Variants in DAB1 observed in about 807,000 individuals in gnomAD.
The protein encoded by DAB1 is DAB adaptor protein 1.
A neutral mutation model predicts 64.6 loss-of-function variants in DAB1; 15 were observed. The observed-to-expected ratio is 0.23, with a 90% CI of 0.16 to 0.36. DAB1 has a LOEUF of 0.36. Among genes scored for constraint, DAB1 ranks in the 10% least tolerant of loss-of-function variants. The pLI is 1.00. For synonymous variants in DAB1, 235 were observed against 251.9 expected (o/e 0.93, Z 0.64); for missense variants, 596 against 706.7 (o/e 0.84, Z 1.78).
At chr1:57,921,430 A>AT (rs1376861336) in intron 5 of DAB1, among the ~76,000 whole-genome samples, 1 of 152,182 alleles carries the variant, frequency 6.6e-6, no homozygotes, top group African/African-American at 2.4e-5. Context: ...TATAAGCATC[A>AT]TAAAGATGTT....
chr1:57,964,590 T>C (rs1355077590), intron 5 of DAB1, among the ~76,000 whole-genome samples: 3 of 152,200 alleles, frequency 2.0e-5, no homozygotes, highest in Non-Finnish European at 4.4e-5. Context: ...TACTCATGTT[T>C]CCAGCATAGA....
intron 4 of DAB1, among the ~76,000 whole-genome samples, chr1:58,324,299 T>C (rs1274015697): frequency 1.3e-5 from 2 of 152,212 alleles, no homozygotes; most frequent in Admixed American, 6.5e-5. Context: ...CCAAATCAGA[T>C]AGTAATCCAA....
At chr1:58,285,714 A>C (rs958599983) in intron 4 of DAB1, among the ~76,000 whole-genome samples, 3 of 152,238 alleles carry the variant, frequency 2.0e-5, no homozygotes, top group African/African-American at 7.2e-5. Context: ...GGATAGGAAG[A>C]ATCAATATGA....
chr1:58,132,100 A>C (rs1653633496), intron 5 of DAB1, among the ~76,000 whole-genome samples: 1 of 152,094 alleles, frequency 6.6e-6, no homozygotes, highest in South Asian at 2.1e-4. Context: ...CTGGGCTAGC[A>C]ATCAGCGAGA....
chr1:57,482,681 A>G (rs1644038749), intron 7 of DAB1, among the ~76,000 whole-genome samples: 1 of 152,148 alleles, frequency 6.6e-6, no homozygotes, highest in African/African-American at 2.4e-5. Flanking sequence ...TATAAATCTT[A>G]TTCCATTTGC....
At chr1:58,418,483 A>G (rs1569751809) in intron 3 of DAB1, among the ~76,000 whole-genome samples, 1 of 152,176 alleles carries the variant, frequency 6.6e-6, no homozygotes, top group African/African-American at 2.4e-5. Flanking sequence ...ACATATATGT[A>G]TGTATGCATT....
intron 1 of DAB1, among the ~76,000 whole-genome samples, chr1:57,370,725 T>G (rs2100933463): frequency 6.6e-6 from 1 of 152,326 alleles, no homozygotes; most frequent in African/African-American, 2.4e-5. Flanking sequence ...CATAGTTTTT[T>G]ATTTTTAACT....
At chr1:58,054,439 A>T (rs985826834) in intron 5 of DAB1, among the ~76,000 whole-genome samples, 26 of 152,212 alleles carry the variant, frequency 1.7e-4, no homozygotes, top group Admixed American at 1.6e-3. Context: ...ATGCATGGGG[A>T]CAACAGATAC....
chr1:58,236,948 T>C (rs1353826714), intron 4 of DAB1, among the ~76,000 whole-genome samples: 1 of 152,198 alleles, frequency 6.6e-6, no homozygotes, highest in Non-Finnish European at 1.5e-5. Flanking sequence ...ATTCTCAAGA[T>C]CATACATCAA....
At chr1:57,794,797 T>C (rs1650763904) in intron 6 of DAB1, among the ~76,000 whole-genome samples, 1 of 152,230 alleles carries the variant, frequency 6.6e-6, no homozygotes, top group Non-Finnish European at 1.5e-5. Flanking sequence ...TTTGTTGCTT[T>C]AATGAATGAA....
intron 6 of DAB1, among the ~76,000 whole-genome samples, chr1:57,751,095 G>A (rs1047514948): frequency 6.6e-6 from 1 of 152,112 alleles, no homozygotes; most frequent in Non-Finnish European, 1.5e-5. Context: ...CTGAGCACCT[G>A]GTCCTATGGT....
chr1:57,741,558 T>A (rs1284887633), intron 6 of DAB1, among the ~76,000 whole-genome samples: 2 of 152,210 alleles, frequency 1.3e-5, no homozygotes, highest in African/African-American at 2.4e-5. Flanking sequence ...TGATGTCAGT[T>A]TCCCAGTTGG....
intron 5 of DAB1, among the ~76,000 whole-genome samples, chr1:58,042,264 A>G (rs1647148017): frequency 6.6e-6 from 1 of 152,242 alleles, no homozygotes; most frequent in African/African-American, 2.4e-5. Flanking sequence ...TGATTTAAAG[A>G]CAATCTTTTA....
chr1:58,177,724 GA>G (rs34780141), intron 4 of DAB1, among the ~76,000 whole-genome samples: 2,112 of 142,606 alleles, frequency 0.015, 50 homozygotes, highest in African/African-American at 0.049. Context: ...TCCCGAGAAT[GA>G]AAAAAAAAAA....
At chr1:57,238,147 G>T (rs1252931021) in intron 2 of DAB1, among the ~76,000 whole-genome samples, 1 of 152,170 alleles carries the variant, frequency 6.6e-6, no homozygotes, top group African/African-American at 2.4e-5. Flanking sequence ...TTCGAGCAGT[G>T]GTTCTGAGTG....
At chr1:57,482,098 A>G (rs905663501) in intron 7 of DAB1, among the ~76,000 whole-genome samples, 1 of 152,236 alleles carries the variant, frequency 6.6e-6, no homozygotes, top group Non-Finnish European at 1.5e-5. Flanking sequence ...TAATTGGGAA[A>G]TTTTATCTCC....
At chr1:58,481,388 AAAC>A (rs1409815772) in intron 3 of DAB1, among the ~76,000 whole-genome samples, 1 of 152,182 alleles carries the variant, frequency 6.6e-6, no homozygotes, top group East Asian at 1.9e-4. Context: ...ATTATTTTAA[AAAC>A]AACAACAATA....
chr1:57,225,511 C>T (rs1667197338), intron 2 of DAB1, among the ~76,000 whole-genome samples: 1 of 152,150 alleles, frequency 6.6e-6, no homozygotes, highest in African/African-American at 2.4e-5. Context: ...ACATCACAAC[C>T]AGGCCTATCT....
intron 1 of DAB1, among the ~76,000 whole-genome samples, chr1:57,309,028 G>A (rs1028793191): frequency 6.6e-6 from 1 of 152,120 alleles, no homozygotes; most frequent in Admixed American, 6.5e-5. Flanking sequence ...ATTCGTAAAC[G>A]TTCTTAAAAT....
Sources: allele counts gnomAD v4.1 joint callset (sites outside exome capture counted in the v4.1 genomes callset), GRCh38; gene constraint gnomAD v4.1.1; transcripts MANE v1.5; gene names NCBI Gene and HGNC (gene_info 2026-07-23, HGNC 2026-07-21).